Variants in SERPINB13 observed in about 807,000 individuals in gnomAD.
SERPINB13 encodes the protein serpin family B member 13, also known as serpin B13.
SERPINB13 carries 26 observed loss-of-function variants against 31.2 expected under a neutral mutation model. The ratio of observed to expected loss-of-function variants is 0.83; its 90% CI spans 0.61 to 1.15. The LOEUF is 1.15. Among genes scored for constraint, SERPINB13 ranks in the 50% most tolerant of loss-of-function variants. The probability of loss-of-function intolerance (pLI) is 0.00; values close to 1 mark genes in which losing one functional copy is unlikely to be tolerated. For synonymous variants in SERPINB13, 191 were observed against 172.4 expected (o/e 1.11, Z -0.85); for missense variants, 510 against 469.4 (o/e 1.09, Z -0.80).
intron 1 of SERPINB13, among the ~76,000 whole-genome samples, chr18:63,588,230 T>C (rs1911623561): frequency 6.6e-6 from 1 of 152,164 alleles, no homozygotes; most frequent in African/African-American, 2.4e-5. Context: ...CCCGTGGAGA[T>C]TCTTGTGCCT....
intron 2 of SERPINB13, 65 bp from the exon 3 acceptor site, chr18:63,589,591 T>G: frequency 1.3e-6 from 2 of 1,579,694 alleles, no homozygotes; most frequent in Non-Finnish European, 1.7e-6. Context: ...CACTCTCCCC[T>G]GACTGATTCT....
chr18:63,590,013 T>C, intron 3 of SERPINB13: 1 of 338,328 alleles, frequency 3.0e-6, no homozygotes, highest in South Asian at 7.1e-5. Context: ...TGGATGGGTT[T>C]TGGAGTTAAA....
rs570780180 is a variant in SERPINB13 at position 63,597,692 on chromosome 18, T to C, written c.*329T>C. ...AGTCTCTCCAGTAAAGAGTACGAAC[T>C]AGTAATTTTGGGGGGTCTCTCTAAT... is the stretch of plus-strand genomic sequence containing the variant. On this transcript the variant is annotated 3_prime_UTR_variant, in exon 8 of 8. Coordinates refer to ENST00000344731, the MANE Select transcript of SERPINB13 (RefSeq NM_012397.4). 2.9e-5 allele frequency: 6 copies of C among 210,012 alleles called. No individual in the cohort carries two copies. The South Asian group carries it at 7.5e-4, about 26-fold the overall frequency. 13.0% of individuals were successfully genotyped at this position (210,012 alleles called of 1,614,324 possible). A position where few individuals can be genotyped will look rare whatever the true frequency, so the allele number is the denominator to read the frequency against.
Position 63,595,034 on chromosome 18 carries a change from A to C in SERPINB13, c.621A>C (p.Thr207=). The stretch of plus-strand genomic sequence containing the variant: ...GCTCTGTTAATTTGTTGCAGAGCAC[A>C]AGTAAATCTGTACAGATGATGACAC... ...KEEKFWMNKS[T]SKSVQMMTQS... is the part of the protein sequence containing the mutation. The change falls in exon 7 of 8, where the codon ACA becomes ACC. Residue 207 remains threonine, a synonymous_variant. Coordinates refer to ENST00000344731, the MANE Select transcript of SERPINB13 (RefSeq NM_012397.4). 6.2e-7 allele frequency: 1 copy of C among 1,608,636 alleles called. No individual in the cohort carries two copies. The highest frequency in any genetic ancestry group is 8.5e-7 in the Non-Finnish European group (1 of 1,178,420).
chr18:63,591,314 T>C (rs898343250), intron 3 of SERPINB13, among the ~76,000 whole-genome samples: 7 of 152,252 alleles, frequency 4.6e-5, no homozygotes, highest in African/African-American at 1.7e-4. Flanking sequence ...CTTATAGCTC[T>C]ATTTGATTCA....
At chr18:63,592,548 G>A in intron 4 of SERPINB13, 72 bp downstream of exon 4, 7 of 1,473,102 alleles carry the variant, frequency 4.8e-6, no homozygotes, top group Non-Finnish European at 6.5e-6. Context: ...TAGGACTATG[G>A]GTCCTGAAGT....
chr18:63,596,920 G>T (rs779268309), intron 7 of SERPINB13, 39 bp from the exon 8 acceptor site: 3 of 1,497,688 alleles, frequency 2.0e-6, no homozygotes, highest in East Asian at 4.5e-5. Flanking sequence ...GATTTTTATT[G>T]ATAATCATGC....
chr18:63,589,082 C>G (rs961586300), intron 2 of SERPINB13, among the ~76,000 whole-genome samples: 1 of 152,050 alleles, frequency 6.6e-6, no homozygotes, highest in African/African-American at 2.4e-5. Flanking sequence ...GTAACCTTGT[C>G]CAAGTACTTA....
At chr18:63,587,544 T>C in intron 1 of SERPINB13, 94 bp downstream of exon 1, 1 of 432,492 alleles carries the variant, frequency 2.3e-6, no homozygotes. Context: ...TTGCATAGAC[T>C]TTCTGGAGGT....
At chr18:63,595,490 A>C (rs915856434) in intron 7 of SERPINB13, among the ~76,000 whole-genome samples, 8 of 152,228 alleles carry the variant, frequency 5.3e-5, no homozygotes, top group African/African-American at 1.7e-4. Flanking sequence ...AAAAGAAATC[A>C]CATATGCATA....
chr18:63,588,282 G>T (rs1006055365), intron 1 of SERPINB13, among the ~76,000 whole-genome samples: 2 of 152,178 alleles, frequency 1.3e-5, no homozygotes, highest in African/African-American at 4.8e-5. Flanking sequence ...GGACAAACTG[G>T]TGTCGCCTGG....
In SERPINB13 at chr18:63,595,141, G is replaced by C; in HGVS notation, c.728G>C (p.Ser243Thr). Residue 243 changes from serine to threonine, a missense_variant, in exon 7 of 8, where the codon AGC becomes ACC. By Grantham distance (58) the Ser-to-Thr change is moderately conservative. Coordinates refer to ENST00000344731, the MANE Select transcript of SERPINB13 (RefSeq NM_012397.4). The part of the protein sequence containing the change: ...LGIPYKNNDL[S>T]MFVLLPNDID... ...ATTCCATATAAAAACAACGACCTAA[G>C]CATGTTTGTGCTTCTGCCCAACGAC... The C allele has an allele frequency of 6.2e-7, 1 of 1,613,952 alleles. No homozygotes were observed. Among genetic ancestry groups the C allele is most frequent in the Non-Finnish European group, 8.5e-7 (1 of 1,179,954 alleles).
chr18:63,598,422 CTAT>C lies in SERPINB13; in HGVS notation c.*1062_*1064del, dbSNP rs959485910. Reference sequence around the variant, plus strand: ...ATGACCCTAAGAAGTTTCCTCATGTCTATTAATATTCCCAATCCTAGGCACCAC... The same window carrying C: ...ATGACCCTAAGAAGTTTCCTCATGTCTAATATTCCCAATCCTAGGCACCAC... On this transcript the variant is annotated 3_prime_UTR_variant, in exon 8 of 8. Transcript: ENST00000344731. 1 of 152,124 alleles carries C rather than the reference CTAT, an allele frequency of 6.6e-6. No individual in the cohort carries two copies. Among genetic ancestry groups the C allele is most frequent in the Admixed American group, 6.5e-5 (1 of 15,270 alleles). The allele number at this position is 152,124 out of a possible 1,614,324, so 9.4% of individuals were successfully genotyped here.
intron 2 of SERPINB13, 77 bp downstream of exon 2, chr18:63,588,909 T>C: frequency 6.8e-7 from 1 of 1,469,874 alleles, no homozygotes; most frequent in Non-Finnish European, 9.2e-7. Flanking sequence ...CCCTCTTGCA[T>C]TATCTTAAAA....
At chr18:63,588,044 T>C (rs1310475697) in intron 1 of SERPINB13, among the ~76,000 whole-genome samples, 1 of 152,158 alleles carries the variant, frequency 6.6e-6, no homozygotes, top group African/African-American at 2.4e-5. Flanking sequence ...TTCAGAAAAA[T>C]TCAGCCCAGA....
At chr18:63,596,777 T>A (rs1444233223) in intron 7 of SERPINB13, among the ~76,000 whole-genome samples, 182 bp from the exon 8 acceptor site, 1 of 152,202 alleles carries the variant, frequency 6.6e-6, no homozygotes, top group African/African-American at 2.4e-5. Flanking sequence ...TATACACAGA[T>A]AATTTAAACA....
chr18:63,595,466 C>T (rs1912110421), intron 7 of SERPINB13, among the ~76,000 whole-genome samples: 1 of 152,124 alleles, frequency 6.6e-6, no homozygotes, highest in South Asian at 2.1e-4. Context: ...TATCTATGGA[C>T]CCCTTTCCTG....
intron 6 of SERPINB13, 44 bp from the exon 7 acceptor site, chr18:63,594,985 G>T: frequency 6.4e-7 from 1 of 1,557,550 alleles, no homozygotes; most frequent in Non-Finnish European, 8.7e-7. Flanking sequence ...AATGCCTTTG[G>T]TCTTATGTCC....
chr18:63,589,589 C>A, intron 2 of SERPINB13, 67 bp from the exon 3 acceptor site: 1 of 1,577,930 alleles, frequency 6.3e-7, no homozygotes, highest in Non-Finnish European at 8.6e-7. Context: ...TCCACTCTCC[C>A]CTGACTGATT....
Sources: allele counts gnomAD v4.1 joint callset (sites outside exome capture counted in the v4.1 genomes callset), GRCh38; gene constraint gnomAD v4.1.1; transcripts MANE v1.5; gene names NCBI Gene and HGNC (gene_info 2026-07-23, HGNC 2026-07-21).